The following SLC9A9 variants were observed in gnomAD, a reference collection of about 807,000 sequenced individuals.
SLC9A9 encodes the protein sodium/hydrogen exchanger 9.
SLC9A9 carries 62 observed loss-of-function variants against 77.8 expected under a neutral mutation model. The observed-to-expected ratio is 0.80, with a 90% CI of 0.65 to 0.98. The LOEUF (loss-of-function observed/expected upper bound fraction) is 0.98. Among genes scored for constraint, SLC9A9 ranks in the 50% least tolerant of loss-of-function variants. The pLI, the probability that SLC9A9 is intolerant of heterozygous loss-of-function variation, is 0.00. For missense variants in SLC9A9, 775 were observed against 774.9 expected (o/e 1.00, Z 0.00); for synonymous variants, 320 against 283.5 (o/e 1.13, Z -1.29).
intron 12 of SLC9A9, among the ~76,000 whole-genome samples, chr3:143,423,252 C>CACGCGCGTGT (rs1375730917): frequency 4.7e-5 from 5 of 105,302 alleles, no homozygotes; most frequent in Middle Eastern, 4.2e-3. Flanking sequence ...CGCGTGTACA[C>CACGCGCGTGT]ACACACACAC....
At chr3:143,790,514 C>T (rs900662163) in intron 4 of SLC9A9, among the ~76,000 whole-genome samples, 7 of 152,130 alleles carry the variant, frequency 4.6e-5, no homozygotes, top group African/African-American at 1.7e-4. Context: ...CTGATACATA[C>T]TGCCCATTTC....
chr3:143,352,731 AT>A (rs2032493676), intron 14 of SLC9A9, among the ~76,000 whole-genome samples: 1 of 152,254 alleles, frequency 6.6e-6, no homozygotes, highest in Non-Finnish European at 1.5e-5. Context: ...CACACATTGA[AT>A]GCTCTAAAAT....
chr3:143,323,582 G>T (rs1368997609), intron 14 of SLC9A9, among the ~76,000 whole-genome samples: 2 of 152,092 alleles, frequency 1.3e-5, no homozygotes, highest in African/African-American at 2.4e-5. Flanking sequence ...TGAGTGTGGG[G>T]AGGGGGAAGA....
At chr3:143,651,879 A>G (rs1253383698) in intron 6 of SLC9A9, among the ~76,000 whole-genome samples, 1 of 152,228 alleles carries the variant, frequency 6.6e-6, no homozygotes, top group Non-Finnish European at 1.5e-5. Flanking sequence ...TCTGCCCATA[A>G]ATACAAGGGT....
At chr3:143,498,374 T>G (rs890516982) in intron 9 of SLC9A9, among the ~76,000 whole-genome samples, 2 of 152,094 alleles carry the variant, frequency 1.3e-5, no homozygotes, top group African/African-American at 2.4e-5. Context: ...GCCAACATGG[T>G]GAAACCCAGT....
chr3:143,716,585 C>A (rs570199406), intron 4 of SLC9A9, among the ~76,000 whole-genome samples: 70 of 152,110 alleles, frequency 4.6e-4, no homozygotes, highest in African/African-American at 1.7e-3. Flanking sequence ...TTGTGAGAAC[C>A]AAGAGGAAGA....
chr3:143,683,651 A>G (rs769078985), intron 5 of SLC9A9, among the ~76,000 whole-genome samples: 14 of 152,146 alleles, frequency 9.2e-5, no homozygotes, highest in Non-Finnish European at 1.9e-4. Flanking sequence ...CATGTCCTTC[A>G]TCTTAGAGAT....
In SLC9A9 at chr3:143,444,677, C is replaced by T. The variant is rs1001043445; in HGVS notation, c.1469+22360G>A. Among the ~76,000 whole-genome samples, 3 of 152,148 alleles carry T rather than the reference C, an allele frequency of 2.0e-5. No homozygotes were observed. In the South Asian group the frequency reaches 6.2e-4, roughly 32 times the overall value. ...TTTCAGCTGGAGTGAGTCTTCCTAC[C>T]CCATCAGCTTGGGCCTGCCACCAGG... On this transcript the variant is annotated intron_variant, in intron 12 of 15. Coordinates refer to ENST00000316549, the MANE Select transcript of SLC9A9 (RefSeq NM_173653.4).
At chr3:143,370,190 T>G (rs78056582) in intron 13 of SLC9A9, among the ~76,000 whole-genome samples, 2,089 of 152,346 alleles carry the variant, frequency 0.014, 37 homozygotes, top group African/African-American at 0.045. Flanking sequence ...AATGATATAC[T>G]GGAATAATAA....
At chr3:143,616,032 C>G in intron 6 of SLC9A9, among the ~76,000 whole-genome samples, 1 of 152,036 alleles carries the variant, frequency 6.6e-6, no homozygotes, top group East Asian at 1.9e-4. Context: ...AGGCGCCCAC[C>G]ACCACGCCCA....
In SLC9A9 at chr3:143,484,927, T is replaced by A. The variant is rs190054486; in HGVS notation, c.1315+8726A>T. Among the ~76,000 whole-genome samples the A allele has an allele frequency of 9.1e-4, 138 of 152,330 alleles. 1 individual carries two copies. The highest frequency in any genetic ancestry group is 3.4e-3 in the Middle Eastern group (1 of 294). On this transcript the variant is annotated intron_variant, in intron 11 of 15. Transcript: ENST00000316549. The stretch of plus-strand genomic sequence containing the variant: ...GAGTAGGAAGTACCAGAAATTTGTT[T>A]CCCTACCTAGACAACTATTACACTG...
intron 4 of SLC9A9, among the ~76,000 whole-genome samples, chr3:143,700,537 C>A (rs537038380): frequency 1.3e-5 from 2 of 152,294 alleles, no homozygotes; most frequent in East Asian, 3.9e-4. Context: ...GGGAGTACTT[C>A]CTGTGGGCCT....
intron 12 of SLC9A9, among the ~76,000 whole-genome samples, chr3:143,388,776 T>C (rs954435241): frequency 3.3e-5 from 5 of 152,152 alleles, no homozygotes; most frequent in South Asian, 2.1e-4. Flanking sequence ...CAAGATCTAA[T>C]GGGAAAAACA....
intron 9 of SLC9A9, among the ~76,000 whole-genome samples, chr3:143,496,986 C>T (rs936881945): frequency 6.6e-6 from 1 of 152,104 alleles, no homozygotes; most frequent in African/African-American, 2.4e-5. Flanking sequence ...GAGAGATCAT[C>T]ACTTTTGTGT....
chr3:143,713,276 G>A (rs531636474), intron 4 of SLC9A9, among the ~76,000 whole-genome samples: 78 of 152,246 alleles, frequency 5.1e-4, no homozygotes, highest in Non-Finnish European at 8.8e-4. Context: ...AACATTGGCC[G>A]GATCTCAGCT....
intron 2 of SLC9A9, among the ~76,000 whole-genome samples, chr3:143,819,822 T>A (rs1402183451): frequency 1.3e-5 from 2 of 152,362 alleles, no homozygotes; most frequent in Non-Finnish European, 2.9e-5. Flanking sequence ...AGTGTCTCAT[T>A]TATTTCTTTA....
At chr3:143,448,183 A>G (rs1040093909) in intron 12 of SLC9A9, among the ~76,000 whole-genome samples, 2 of 152,186 alleles carry the variant, frequency 1.3e-5, no homozygotes, top group African/African-American at 4.8e-5. Flanking sequence ...CAAATAGGGC[A>G]TAGCTCGAAA....
intron 9 of SLC9A9, among the ~76,000 whole-genome samples, chr3:143,510,868 T>C (rs907537756): frequency 6.6e-6 from 1 of 152,094 alleles, no homozygotes; most frequent in Non-Finnish European, 1.5e-5. Flanking sequence ...CCCTCAGTAA[T>C]GTTCAGAAGG....
At chr3:143,439,764 C>T (rs1046530078) in intron 12 of SLC9A9, among the ~76,000 whole-genome samples, 3 of 149,260 alleles carry the variant, frequency 2.0e-5, no homozygotes, top group Non-Finnish European at 3.0e-5. Flanking sequence ...AGGACCTGGG[C>T]TCTGAGAGGA....
Sources: gnomAD v4.1 joint callset for allele counts (sites outside exome capture counted in the v4.1 genomes callset) on GRCh38, gnomAD v4.1.1 for gene constraint, MANE v1.5 for transcripts, NCBI Gene and HGNC (gene_info 2026-07-23, HGNC 2026-07-21) for gene names.